Variants in MEF2C observed in about 807,000 individuals in gnomAD.
MEF2C encodes myocyte enhancer factor 2C, also known as myocyte-specific enhancer factor 2C.
A neutral mutation model predicts 50.5 loss-of-function variants in MEF2C; 6 were observed. That is an observed-to-expected ratio of 0.12 (90% CI 0.07 to 0.23). MEF2C has a LOEUF of 0.23. MEF2C is among the 10% of genes least tolerant of loss of function. The pLI, the probability that MEF2C is intolerant of heterozygous loss-of-function variation, is 1.00. For synonymous variants in MEF2C, 183 were observed against 228.0 expected, an observed-to-expected ratio of 0.80 and a Z score of 1.78; for missense variants, 276 against 605.0, an observed-to-expected ratio of 0.46 and a Z score of 5.70.
At chr5:88,774,611 G>A (rs376386953) in intron 3 of MEF2C, among the ~76,000 whole-genome samples, 1 of 152,104 alleles carries the variant, frequency 6.6e-6, no homozygotes, top group South Asian at 2.1e-4. Flanking sequence ...TATCTCTCCT[G>A]TCACATTATA....
rs371610855 is a variant in MEF2C, at chr5:88,853,308, C to A, written c.-142-29378G>T. ...CTGAGTGTGCAATGAGTAGTGAGAT[C>A]TTCTAGGCTGGACTTGTATACGTTT... On this transcript the variant is annotated intron_variant, in intron 1 of 10. Transcript: ENST00000504921. Among the ~76,000 whole-genome samples the A allele has an allele frequency of 5.3e-5, 8 of 152,152 alleles. No individual in the cohort carries two copies. In the East Asian group the frequency reaches 1.3e-3, roughly 26 times the overall value.
chr5:88,847,187 C>T (rs995109241), intron 1 of MEF2C, among the ~76,000 whole-genome samples: 2 of 152,150 alleles, frequency 1.3e-5, no homozygotes, highest in African/African-American at 2.4e-5. Flanking sequence ...CTTTTGAATA[C>T]ATCTACTGAC....
At chr5:88,882,609 C>A (rs554249161) in intron 1 of MEF2C, among the ~76,000 whole-genome samples, 1 of 152,164 alleles carries the variant, frequency 6.6e-6, no homozygotes, top group South Asian at 2.1e-4. Context: ...ACAGAACATG[C>A]TGTGAAATAT....
intron 3 of MEF2C, among the ~76,000 whole-genome samples, chr5:88,786,571 A>G (rs1791004931): frequency 6.6e-6 from 1 of 152,206 alleles, no homozygotes; most frequent in Non-Finnish European, 1.5e-5. Flanking sequence ...TTTTTCTAAC[A>G]TTTGTGTTCT....
intron 6 of MEF2C, chr5:88,741,880 T>C: frequency 1.0e-6 from 1 of 985,358 alleles, no homozygotes; most frequent in South Asian, 4.7e-5. Context: ...ACTTAGCACC[T>C]TTTGGACGTA....
intron 1 of MEF2C, among the ~76,000 whole-genome samples, chr5:88,849,982 A>G (rs1467057819): frequency 6.6e-6 from 1 of 152,134 alleles, no homozygotes; most frequent in Admixed American, 6.5e-5. Context: ...CATGTGCACA[A>G]CTTGCAGGTT....
At position 88,736,475 on chromosome 5, in the gene MEF2C, T is replaced by G. The variant is rs1764125043; in HGVS notation, c.638-4574A>C. 2.1e-4 allele frequency among the ~76,000 whole-genome samples: 2 copies of G among 9,504 alleles called. 1 individual carries two copies. The highest frequency in any genetic ancestry group is 4.1e-4 in the African/African-American group (2 of 4,936). 6.2% of individuals were successfully genotyped at this position (9,504 alleles called of 152,430 possible). On this transcript the variant is annotated intron_variant, in intron 6 of 10. Transcript: ENST00000504921. ...CGCCACTGCAGTCCGCAGTCCGACC[T>G]GGGCGACAGAGCGAGACTCCGTCTC...
At chr5:88,735,409 T>G (rs1187691214) in intron 6 of MEF2C, 3 of 985,194 alleles carry the variant, frequency 3.0e-6, no homozygotes, top group Non-Finnish European at 3.6e-6. Context: ...CGTGACTGTA[T>G]GCAGATGTCA....
intron 10 of MEF2C, 88 bp downstream of exon 10, chr5:88,728,405 A>G: frequency 9.6e-7 from 1 of 1,045,144 alleles, no homozygotes; most frequent in Non-Finnish European, 1.3e-6. Flanking sequence ...ATACCCGTTA[A>G]TGGGATATTG....
intron 2 of MEF2C, among the ~76,000 whole-genome samples, chr5:88,813,155 T>C (rs202031788): frequency 3.3e-5 from 5 of 152,098 alleles, no homozygotes; most frequent in Admixed American, 1.3e-4. Context: ...CCATTCCCAC[T>C]ACAGCCACTG....
intron 2 of MEF2C, among the ~76,000 whole-genome samples, chr5:88,805,580 G>A (rs1207468444): frequency 1.3e-5 from 2 of 151,914 alleles, no homozygotes; most frequent in African/African-American, 2.4e-5. Context: ...TCCTGTCCTC[G>A]ATGATCTCCC....
intron 2 of MEF2C, among the ~76,000 whole-genome samples, chr5:88,818,599 A>G (rs1172096865): frequency 6.6e-6 from 1 of 151,986 alleles, no homozygotes; most frequent in Admixed American, 6.6e-5. Flanking sequence ...CATTTAGGAA[A>G]CGACTTCTCC....
rs1234122958 is a variant in MEF2C, at chr5:88,719,246, T to A, written c.*3358A>T. 1 of 152,198 alleles carries A rather than the reference T, an allele frequency of 6.6e-6. No individual in the cohort carries two copies. The highest frequency in any genetic ancestry group is 1.5e-5 in the Non-Finnish European group (1 of 68,030). The allele number at this position is 152,198 out of a possible 1,614,324, so 9.4% of individuals were successfully genotyped here. ...CACTTTAGTTAACTTTTAAATGATC[T>A]GGGGATGACAGGTATTTTTATATTC... On this transcript the variant is annotated 3_prime_UTR_variant, in exon 11 of 11. Coordinates refer to ENST00000504921, the MANE Select transcript of MEF2C (RefSeq NM_002397.5).
At chr5:88,844,206 C>T (rs116187762) in intron 1 of MEF2C, among the ~76,000 whole-genome samples, 11 of 152,318 alleles carry the variant, frequency 7.2e-5, no homozygotes, top group Middle Eastern at 3.4e-3. Context: ...TAATCTCAGG[C>T]AAATTCGTAA....
chr5:88,764,374 G>C (rs945572548), intron 3 of MEF2C, among the ~76,000 whole-genome samples: 3 of 152,154 alleles, frequency 2.0e-5, no homozygotes, highest in African/African-American at 7.2e-5. Flanking sequence ...GTCAGTCAAC[G>C]AGTATTTGCC....
rs369192921 is a variant in MEF2C at position 88,766,879 on chromosome 5, G to A, written c.259-5551C>T. 7.5e-6 allele frequency: 7 copies of A among 936,072 alleles called. No homozygotes were observed. The African/African-American group carries it at 8.9e-5, about 12-fold the overall frequency. The allele number at this position is 936,072 out of a possible 1,614,324, so 58.0% of individuals were successfully genotyped here. A position where few individuals can be genotyped will look rare whatever the true frequency, so the allele number is the denominator to read the frequency against. On this transcript the variant is annotated intron_variant, in intron 3 of 10. Coordinates refer to ENST00000504921, the MANE Select transcript of MEF2C (RefSeq NM_002397.5). The stretch of plus-strand genomic sequence containing the variant: ...TAGAAAAGGTAGTTTCCTTTCCTCT[G>A]ATCCTGAATCATTTTTTTGCTTGTC...
intron 3 of MEF2C, among the ~76,000 whole-genome samples, chr5:88,773,299 G>A (rs1353019912): frequency 6.6e-6 from 1 of 151,654 alleles, no homozygotes; most frequent in Non-Finnish European, 1.5e-5. Context: ...ACACATAGAG[G>A]GCACTTATTA....
chr5:88,752,425 T>C (rs1339691483), intron 4 of MEF2C, among the ~76,000 whole-genome samples: 1 of 152,272 alleles, frequency 6.6e-6, no homozygotes, highest in African/African-American at 2.4e-5. Flanking sequence ...AGGATTAAAA[T>C]GCAAACCGAA....
intron 3 of MEF2C, among the ~76,000 whole-genome samples, chr5:88,784,688 T>C (rs1789964123): frequency 6.6e-6 from 1 of 152,208 alleles, no homozygotes; most frequent in African/African-American, 2.4e-5. Flanking sequence ...TTTCCCAAAC[T>C]GAATTTATCC....
Sources: gnomAD v4.1 joint callset for allele counts (sites outside exome capture counted in the v4.1 genomes callset) on GRCh38, gnomAD v4.1.1 for gene constraint, MANE v1.5 for transcripts, NCBI Gene and HGNC (gene_info 2026-07-23, HGNC 2026-07-21) for gene names.